The following XRRA1 variants were observed in gnomAD, a reference collection of about 807,000 sequenced individuals.
The protein encoded by XRRA1 is X-ray radiation resistance associated 1.
XRRA1 carries 69 observed loss-of-function variants against 80.2 expected under a neutral mutation model. That is an observed-to-expected ratio of 0.86 (90% confidence interval 0.71 to 1.05). The LOEUF (loss-of-function observed/expected upper bound fraction) is 1.05. Ranked by LOEUF, XRRA1 falls within the 50% of genes least tolerant of loss-of-function variation. The probability of loss-of-function intolerance (pLI) is 0.00; values close to 1 mark genes in which losing one functional copy is unlikely to be tolerated. For synonymous variants in XRRA1, 348 were observed against 389.9 expected, an observed-to-expected ratio of 0.89 and a Z score of 1.27; for missense variants, 967 against 976.4, an observed-to-expected ratio of 0.99 and a Z score of 0.13.
rs1256959245 is a variant in XRRA1, at chr11:74,948,938, C to T, written c.-83G>A. On this transcript the variant is annotated 5_prime_UTR_variant, in exon 1 of 19. Coordinates refer to ENST00000684022, the MANE Select transcript of XRRA1 (RefSeq NM_001378157.1). ...AAGTTTCAGTCGCACCTGCCTCCGG[C>T]GTCGCTTCAGCCTCCGAGGGGTCTG... The T allele has an allele frequency of 5.1e-6, 1 of 196,496 alleles. No individual in the cohort carries two copies. The highest frequency in any genetic ancestry group is 1.1e-5 in the Non-Finnish European group (1 of 95,096). The allele number at this position is 196,496 out of a possible 1,614,324, so 12.2% of individuals were successfully genotyped here. A position where few individuals can be genotyped will look rare whatever the true frequency, so the allele number is the denominator to read the frequency against.
chr11:74,890,973 T>A (rs1402489931), intron 10 of XRRA1, among the ~76,000 whole-genome samples: 1 of 152,086 alleles, frequency 6.6e-6, no homozygotes, highest in Non-Finnish European at 1.5e-5. Flanking sequence ...CTACTAGAGG[T>A]ACAAGGAGGA....
intron 10 of XRRA1, among the ~76,000 whole-genome samples, chr11:74,881,200 C>T (rs1362368684): frequency 6.6e-6 from 1 of 151,042 alleles, no homozygotes; most frequent in East Asian, 1.9e-4. Context: ...TGAATTGATC[C>T]CTTTACCATT....
intron 10 of XRRA1, among the ~76,000 whole-genome samples, chr11:74,901,386 A>G (rs973818790): frequency 6.6e-6 from 1 of 152,212 alleles, no homozygotes; most frequent in African/African-American, 2.4e-5. Flanking sequence ...TAGAGATTCA[A>G]TACAATCCCT....
rs79250122 is a variant in XRRA1, at chr11:74,841,169, T to C, written c.*2031A>G. The C allele has an allele frequency of 1.1e-4, 16 of 152,296 alleles. No homozygotes were observed. In the East Asian group the frequency reaches 3.1e-3, roughly 29 times the overall value. The allele number at this position is 152,296 out of a possible 1,614,324, so 9.4% of individuals were successfully genotyped here. A position where few individuals can be genotyped will look rare whatever the true frequency, so the allele number is the denominator to read the frequency against. ...CAGCTAGCCAAATTTTCTTTAAAAA[T>C]TGGAAACTCATTATGGTCTTAAATT... On this transcript the variant is annotated 3_prime_UTR_variant, in exon 19 of 19. Coordinates refer to ENST00000684022, the MANE Select transcript of XRRA1 (RefSeq NM_001378157.1).
rs189995194 is a variant in XRRA1 at position 74,885,695 on chromosome 11, C to T, written c.1003+20544G>A. Among the ~76,000 whole-genome samples the T allele has an allele frequency of 7.2e-5, 11 of 152,272 alleles. No homozygotes were observed. In the East Asian group the frequency reaches 2.1e-3, roughly 29 times the overall value. On this transcript the variant is annotated intron_variant, in intron 10 of 18. Transcript: ENST00000684022. ...TATTCCAAAAATTGAGGAAGGACTC[C>T]TCCCTAACTCATTCTTTGAGGCCAG... is the stretch of plus-strand genomic sequence containing the variant.
chr11:74,900,153 G>A (rs543067485), intron 10 of XRRA1, among the ~76,000 whole-genome samples: 10 of 151,646 alleles, frequency 6.6e-5, no homozygotes, highest in East Asian at 3.9e-4. Flanking sequence ...CAATAAAAGC[G>A]AAACTCTGTC....
intron 7 of XRRA1, among the ~76,000 whole-genome samples, chr11:74,926,878 T>C (rs1438535008): frequency 1.3e-5 from 2 of 152,142 alleles, no homozygotes; most frequent in Non-Finnish European, 2.9e-5. Context: ...TCCGAGGTTA[T>C]GGACTAGGCC....
chr11:74,848,278 G>A lies in XRRA1; in HGVS notation c.1565C>T (p.Ser522Phe). 1 of 1,613,962 alleles carries A rather than the reference G, an allele frequency of 6.2e-7. No individual in the cohort carries two copies. Among genetic ancestry groups the A allele is most frequent in the Non-Finnish European group, 8.5e-7 (1 of 1,179,872 alleles). The change falls in exon 15 of 19, where the codon TCC (serine) becomes TTC (phenylalanine). Residue 522 changes from serine (S) to phenylalanine (F), a missense_variant. Ser to Phe is a radical substitution (Grantham distance 155). Coordinates refer to ENST00000684022, the MANE Select transcript of XRRA1 (RefSeq NM_001378157.1). ...EMPTENLEGH[S>F]PSCRTFVPLP... ...TGGCACGAAGGTCCGGCAAGACGGG[G>A]AATGGCCTTCCAGGTTCTCAGTGGG... is the stretch of plus-strand genomic sequence containing the variant.
intron 4 of XRRA1, among the ~76,000 whole-genome samples, chr11:74,936,303 C>G (rs1181521813): frequency 6.6e-6 from 1 of 152,246 alleles, no homozygotes; most frequent in Non-Finnish European, 1.5e-5. Flanking sequence ...TAAGTAATAT[C>G]TGGTCAGCTC....
At chr11:74,898,531 A>T (rs2137742869) in intron 10 of XRRA1, among the ~76,000 whole-genome samples, 1 of 152,286 alleles carries the variant, frequency 6.6e-6, no homozygotes, top group South Asian at 2.1e-4. Context: ...ATCTAAAAAG[A>T]TACACATAGA....
chr11:74,859,020 C>G (rs2041756971), intron 12 of XRRA1, 138 bp downstream of exon 12: 1 of 1,222,628 alleles, frequency 8.2e-7, no homozygotes, highest in Non-Finnish European at 1.1e-6. Flanking sequence ...CTTCCACTTT[C>G]CCCACCCTGA....
At chr11:74,891,715 A>T (rs1242394788) in intron 10 of XRRA1, among the ~76,000 whole-genome samples, 5 of 152,226 alleles carry the variant, frequency 3.3e-5, no homozygotes, top group African/African-American at 4.8e-5. Context: ...GTCTCAGGAT[A>T]CAAAATCAAT....
intron 10 of XRRA1, among the ~76,000 whole-genome samples, chr11:74,905,190 A>T (rs1281503121): frequency 6.6e-6 from 1 of 152,006 alleles, no homozygotes; most frequent in African/African-American, 2.4e-5. Flanking sequence ...GGTGCATGCC[A>T]TCACACCCAG....
intron 10 of XRRA1, among the ~76,000 whole-genome samples, chr11:74,903,559 C>G (rs1445328820): frequency 6.6e-6 from 1 of 151,972 alleles, no homozygotes; most frequent in Non-Finnish European, 1.5e-5. Flanking sequence ...AAAAATTAGC[C>G]GGGCATGGTG....
intron 5 of XRRA1, 34 bp from the exon 6 acceptor site, chr11:74,930,406 C>A (rs756221784): frequency 5.9e-6 from 8 of 1,347,188 alleles, no homozygotes; most frequent in Admixed American, 4.5e-5. Context: ...AAAAAAAAAT[C>A]CACAAGATTA....
chr11:74,929,983 T>G (rs1366538113), intron 6 of XRRA1, among the ~76,000 whole-genome samples: 1 of 152,216 alleles, frequency 6.6e-6, no homozygotes, highest in Non-Finnish European at 1.5e-5. Flanking sequence ...ACAGGAGTAC[T>G]TTACAGGCTT....
chr11:74,944,762 T>C (rs975420948), intron 2 of XRRA1, among the ~76,000 whole-genome samples: 2 of 152,182 alleles, frequency 1.3e-5, no homozygotes, highest in African/African-American at 4.8e-5. Flanking sequence ...AATATGTTGG[T>C]AAGATTAATG....
chr11:74,920,335 T>C (rs1940337065), intron 8 of XRRA1, among the ~76,000 whole-genome samples: 1 of 152,232 alleles, frequency 6.6e-6, no homozygotes, highest in African/African-American at 2.4e-5. Flanking sequence ...CTTGAGCAAC[T>C]AGCCAACCAC....
chr11:74,894,539 G>A (rs1360358809), intron 10 of XRRA1, among the ~76,000 whole-genome samples: 1 of 152,196 alleles, frequency 6.6e-6, no homozygotes, highest in African/African-American at 2.4e-5. Context: ...GGGGAGGCAG[G>A]CACCTTCTTC....
Sources: gnomAD v4.1 joint callset for allele counts (sites outside exome capture counted in the v4.1 genomes callset) on GRCh38, gnomAD v4.1.1 for gene constraint, MANE v1.5 for transcripts, NCBI Gene and HGNC (gene_info 2026-07-23, HGNC 2026-07-21) for gene names.